The following MECOM variants were observed in gnomAD, a reference collection of about 807,000 sequenced individuals.
MECOM encodes the protein histone-lysine N-methyltransferase MECOM.
MECOM carries 13 observed loss-of-function variants against 116.3 expected under a neutral mutation model. That is an observed-to-expected ratio of 0.11 (90% CI 0.07 to 0.18). MECOM has a LOEUF of 0.18. Ranked by LOEUF, MECOM falls within the 10% of genes least tolerant of loss-of-function variation. The pLI is 1.00. For synonymous variants in MECOM, 528 were observed against 535.2 expected (o/e 0.99, Z 0.19); for missense variants, 1,299 against 1,509.0 (o/e 0.86, Z 2.31).
At chr3:169,443,531 T>A (rs1368061388) in intron 1 of MECOM, among the ~76,000 whole-genome samples, 2 of 152,218 alleles carry the variant, frequency 1.3e-5, no homozygotes, top group Non-Finnish European at 2.9e-5. Context: ...AAAAACAGAA[T>A]GCCTTCTCTA....
intron 1 of MECOM, among the ~76,000 whole-genome samples, chr3:169,433,653 G>GAAAGAAAGAAAGAA (rs1560268562): frequency 1.5e-5 from 2 of 130,042 alleles, no homozygotes; most frequent in African/African-American, 6.0e-5. Flanking sequence ...AAGAAAGAAA[G>GAAAGAAAGAAAGAA]AAAGAAAGAA....
chr3:169,357,283 C>T (rs1394623516), intron 2 of MECOM, among the ~76,000 whole-genome samples: 3 of 151,766 alleles, frequency 2.0e-5, no homozygotes, highest in African/African-American at 7.3e-5. Flanking sequence ...ATTTTATCCT[C>T]AAAACTGGAA....
chr3:169,329,837 T>G (rs919582902), intron 2 of MECOM, among the ~76,000 whole-genome samples: 2 of 152,200 alleles, frequency 1.3e-5, no homozygotes, highest in African/African-American at 4.8e-5. Flanking sequence ...AATGAGCATT[T>G]AAAGCTGACT....
At chr3:169,575,753 A>C (rs770704983) in intron 1 of MECOM, among the ~76,000 whole-genome samples, 1 of 152,152 alleles carries the variant, frequency 6.6e-6, no homozygotes, top group Non-Finnish European at 1.5e-5. Context: ...ACTGACAAAG[A>C]TATCAGTTAA....
chr3:169,577,469 T>C (rs1338764290), intron 1 of MECOM, among the ~76,000 whole-genome samples: 3 of 102,544 alleles, frequency 2.9e-5, no homozygotes, highest in Non-Finnish European at 6.1e-5. Context: ...CCCCGAAAAG[T>C]TGCCTTTTTT....
chr3:169,440,823 A>C (rs1743518422), intron 1 of MECOM, among the ~76,000 whole-genome samples: 9 of 152,060 alleles, frequency 5.9e-5, no homozygotes, highest in Admixed American at 5.9e-4. Flanking sequence ...ACCAGTTTAG[A>C]CAGCTCACCC....
intron 1 of MECOM, among the ~76,000 whole-genome samples, chr3:169,607,581 G>A (rs1238237546): frequency 6.6e-6 from 1 of 152,224 alleles, no homozygotes; most frequent in African/African-American, 2.4e-5. Flanking sequence ...AAGGACTCAC[G>A]TGGAATGACT....
rs115271728 is a variant in MECOM, at chr3:169,289,646, T to C, written c.375+91541A>G. On this transcript the variant is annotated intron_variant, in intron 2 of 16. Transcript: ENST00000651503. Reference sequence around the variant, plus strand: ...CTCATCTCTTACTCGGCATTTGTATTAGGCCAATGGAGAGTTTGACTAAAA... The same window carrying C: ...CTCATCTCTTACTCGGCATTTGTATCAGGCCAATGGAGAGTTTGACTAAAA... Among the ~76,000 whole-genome samples the C allele has an allele frequency of 6.1e-3, 925 of 152,284 alleles. 5 individuals carry two copies. Among genetic ancestry groups the C allele is most frequent in the African/African-American group, 0.022 (896 of 41,558 alleles).
chr3:169,246,026 A>G (rs1380836412), intron 2 of MECOM, among the ~76,000 whole-genome samples: 1 of 152,146 alleles, frequency 6.6e-6, no homozygotes, highest in Non-Finnish European at 1.5e-5. Context: ...TTAGATATTG[A>G]CCCTGATTCT....
At chr3:169,226,716 A>G (rs1752769540) in intron 2 of MECOM, among the ~76,000 whole-genome samples, 1 of 152,184 alleles carries the variant, frequency 6.6e-6, no homozygotes, top group Non-Finnish European at 1.5e-5. Flanking sequence ...TCAATAATGG[A>G]AAGGGGAATC....
chr3:169,371,477 G>C (rs1730114861), intron 2 of MECOM, among the ~76,000 whole-genome samples: 1 of 151,064 alleles, frequency 6.6e-6, no homozygotes, highest in Non-Finnish European at 1.5e-5. Context: ...TTGTATACAT[G>C]AAATTTGCTA....
Position 169,455,391 on chromosome 3 carries a change from G to GTAGTC in MECOM, c.38-73868_38-73867insGACTA, listed in dbSNP as rs1380810492. 2.6e-5 allele frequency among the ~76,000 whole-genome samples: 4 copies of GTAGTC among 152,316 alleles called. No homozygotes were observed. The East Asian group carries it at 7.7e-4, about 29-fold the overall frequency. On this transcript the variant is annotated intron_variant, in intron 1 of 16. Coordinates refer to ENST00000651503, the MANE Select transcript of MECOM (RefSeq NM_004991.4). ...TACTGCGCCACCTTTGGGGAAAAGT[G>GTAGTC]TAGTAGTCTCTAATCAGGGCTGGTG...
At chr3:169,537,880 A>G (rs1271134626) in intron 1 of MECOM, among the ~76,000 whole-genome samples, 1 of 152,160 alleles carries the variant, frequency 6.6e-6, no homozygotes, top group African/African-American at 2.4e-5. Context: ...GTTGTTCACA[A>G]CCTATAAACC....
At chr3:169,435,374 G>A (rs553875622) in intron 1 of MECOM, among the ~76,000 whole-genome samples, 1 of 152,128 alleles carries the variant, frequency 6.6e-6, no homozygotes, top group Non-Finnish European at 1.5e-5. Flanking sequence ...CGATTACTTG[G>A]AGAGCAGAAA....
chr3:169,310,658 C>T (rs540550957), intron 2 of MECOM, among the ~76,000 whole-genome samples: 3 of 152,306 alleles, frequency 2.0e-5, no homozygotes, highest in East Asian at 1.9e-4. Context: ...TGTTTCAATG[C>T]CTTTTCCATA....
At chr3:169,214,891 T>C (rs957360223) in intron 2 of MECOM, among the ~76,000 whole-genome samples, 1 of 147,978 alleles carries the variant, frequency 6.8e-6, no homozygotes, top group Non-Finnish European at 1.5e-5. Flanking sequence ...ATTATATATA[T>C]ACAAAATCTA....
chr3:169,627,736 T>G (rs1324629787), intron 1 of MECOM, among the ~76,000 whole-genome samples: 1 of 152,246 alleles, frequency 6.6e-6, no homozygotes, highest in East Asian at 1.9e-4. Context: ...TTTTGTTTTC[T>G]GCTCTATTTT....
chr3:169,264,029 G>A (rs931381191), intron 2 of MECOM, among the ~76,000 whole-genome samples: 5 of 152,136 alleles, frequency 3.3e-5, no homozygotes, highest in African/African-American at 7.2e-5. Flanking sequence ...ATAGGAATAT[G>A]ATCACTTCCA....
chr3:169,146,936 G>A (rs1740112907), intron 2 of MECOM: 1 of 1,021,820 alleles, frequency 9.8e-7, no homozygotes, highest in Non-Finnish European at 1.2e-6. Context: ...AACTTTGTCC[G>A]TCTCTAGGAT....
Sources: allele counts gnomAD v4.1 joint callset (sites outside exome capture counted in the v4.1 genomes callset), GRCh38; gene constraint gnomAD v4.1.1; transcripts MANE v1.5; gene names NCBI Gene and HGNC (gene_info 2026-07-23, HGNC 2026-07-21).